Variants in TYR observed in about 807,000 individuals in gnomAD.
TYR encodes LB24-AB.
In TYR, 58 loss-of-function variants were observed where a neutral mutation model predicts 51.5. The ratio of observed to expected loss-of-function variants is 1.13; its 90% CI spans 0.91 to 1.40. The LOEUF is 1.40. TYR is among the 40% of genes most tolerant of loss of function. TYR has a pLI of 0.00. For missense variants in TYR, 732 were observed against 647.4 expected (o/e 1.13, Z -1.42); for synonymous variants, 263 against 235.2 (o/e 1.12, Z -1.08).
intron 2 of TYR, among the ~76,000 whole-genome samples, chr11:89,192,938 C>T (rs1943465540): frequency 6.6e-6 from 1 of 152,100 alleles, no homozygotes; most frequent in African/African-American, 2.4e-5. Flanking sequence ...TTATCAAGTA[C>T]CAAAGTCCAA....
chr11:89,244,454 G>T (rs1052587976), intron 3 of TYR, among the ~76,000 whole-genome samples: 7 of 152,098 alleles, frequency 4.6e-5, no homozygotes, highest in Non-Finnish European at 8.8e-5. Flanking sequence ...CCTTATTTCT[G>T]CAAGTCTTCA....
intron 3 of TYR, among the ~76,000 whole-genome samples, chr11:89,278,888 C>G (rs1944688088): frequency 6.6e-6 from 1 of 151,648 alleles, no homozygotes; most frequent in African/African-American, 2.4e-5. Flanking sequence ...TTCAGACTTT[C>G]TTTGTTTTTT....
chr11:89,284,624 T>C (rs1276852367), intron 3 of TYR, 149 bp from the exon 4 acceptor site: 72 of 712,402 alleles, frequency 1.0e-4, no homozygotes, highest in Non-Finnish European at 2.4e-6. Context: ...ACTAATACTT[T>C]ACGAAATATT....
At position 89,226,218 on chromosome 11, in the gene TYR, G is replaced by A. The variant is rs536790160; in HGVS notation, c.1037-1605G>A. ...AGGAAGTAAACCATTGTATTTAGGA[G>A]CATAAGTTCTACACTAAAACAGGCA... is the stretch of plus-strand genomic sequence containing the variant. On this transcript the variant is annotated intron_variant, in intron 2 of 4. Transcript: ENST00000263321. Among the ~76,000 whole-genome samples the A allele has an allele frequency of 2.0e-5, 3 of 152,126 alleles. No homozygotes were observed. The East Asian group carries it at 5.8e-4, about 29-fold the overall frequency.
At chr11:89,247,185 T>C (rs1360169912) in intron 3 of TYR, among the ~76,000 whole-genome samples, 1 of 152,190 alleles carries the variant, frequency 6.6e-6, no homozygotes, top group Non-Finnish European at 1.5e-5. Flanking sequence ...CACTCTGTGC[T>C]TGTTAGACTG....
At chr11:89,256,453 G>A (rs1944392277) in intron 3 of TYR, among the ~76,000 whole-genome samples, 1 of 134,004 alleles carries the variant, frequency 7.5e-6, no homozygotes, top group Non-Finnish European at 1.5e-5. Context: ...AGGTATGTGT[G>A]TGTACTTGTG....
intron 3 of TYR, among the ~76,000 whole-genome samples, chr11:89,243,768 TA>T (rs1417669523): frequency 1.3e-5 from 2 of 152,158 alleles, no homozygotes; most frequent in Admixed American, 1.3e-4. Context: ...CAAAGCATTC[TA>T]TAAATACATT....
intron 2 of TYR, among the ~76,000 whole-genome samples, chr11:89,204,282 G>C (rs752156771): frequency 6.6e-6 from 1 of 152,190 alleles, no homozygotes; most frequent in African/African-American, 2.4e-5. Context: ...CATCAGTAGA[G>C]GCCTAGTGGG....
intron 2 of TYR, among the ~76,000 whole-genome samples, chr11:89,191,804 T>C (rs1275239823): frequency 6.6e-6 from 1 of 152,164 alleles, no homozygotes; most frequent in African/African-American, 2.4e-5. Context: ...GTAGCAGCTT[T>C]AGTGAAATAT....
At chr11:89,198,765 A>G (rs1286160031) in intron 2 of TYR, among the ~76,000 whole-genome samples, 1 of 150,630 alleles carries the variant, frequency 6.6e-6, no homozygotes, top group Non-Finnish European at 1.5e-5. Flanking sequence ...ATATATATAT[A>G]TATATTTTTA....
intron 3 of TYR, among the ~76,000 whole-genome samples, chr11:89,281,661 A>G (rs1373444318): frequency 6.6e-6 from 1 of 151,558 alleles, no homozygotes; most frequent in Non-Finnish European, 1.5e-5. Context: ...CGCAACTTCA[A>G]TTCTCTCATG....
intron 1 of TYR, among the ~76,000 whole-genome samples, chr11:89,189,818 A>T (rs1014407484): frequency 1.3e-5 from 2 of 152,144 alleles, no homozygotes; most frequent in Non-Finnish European, 2.9e-5. Flanking sequence ...CCAGGTTTTA[A>T]CTTTTATGGC....
chr11:89,293,081 A>G (rs975178389), intron 4 of TYR, among the ~76,000 whole-genome samples: 3 of 152,172 alleles, frequency 2.0e-5, no homozygotes, highest in African/African-American at 7.2e-5. Context: ...GTTCATTTAT[A>G]TGACTAAAGG....
chr11:89,242,219 GT>G (rs1944206252), intron 3 of TYR, among the ~76,000 whole-genome samples: 1 of 151,936 alleles, frequency 6.6e-6, no homozygotes, highest in Admixed American at 6.6e-5. Context: ...TGTTTGTTAT[GT>G]TTTTTGAGAT....
Position 89,295,486 on chromosome 11 carries a change from A to C in TYR, c.*120A>C. 7.6e-7 allele frequency: 1 copy of C among 1,314,190 alleles called. No individual in the cohort carries two copies. Among genetic ancestry groups the C allele is most frequent in the Admixed American group, 2.0e-5 (1 of 50,576 alleles). 81.4% of individuals were successfully genotyped at this position (1,314,190 alleles called of 1,614,324 possible). On this transcript the variant is annotated 3_prime_UTR_variant, in exon 5 of 5. Transcript: ENST00000263321. ...TGTAAAGACCATTTGCAAAATTGTA[A>C]CCTAATACAAAGTGTAGCCTTCTTC...
At chr11:89,218,519 A>C (rs1943865122) in intron 2 of TYR, among the ~76,000 whole-genome samples, 1 of 152,172 alleles carries the variant, frequency 6.6e-6, no homozygotes. Context: ...ATCTGATATC[A>C]CCAAGAATGA....
chr11:89,178,372 T>C lies in TYR; in HGVS notation c.419T>C (p.Leu140Ser), dbSNP rs767033124. The change falls in exon 1 of 5, where the codon TTA becomes TCA. Residue 140 changes from leucine (L) to serine (S), a missense_variant. By Grantham distance (145) the Leu-to-Ser change is moderately radical. Coordinates refer to ENST00000263321, the MANE Select transcript of TYR (RefSeq NM_000372.5). ...GACAAATTTTTTGCCTACCTCACTT[T>C]AGCAAAGCATACCATCAGCTCAGAC... ...EKDKFFAYLTLAKHTISSDYV... is the reference protein window; with the variant it reads ...EKDKFFAYLTSAKHTISSDYV... 3 of 1,614,146 alleles carry C rather than the reference T, an allele frequency of 1.9e-6. No individual in the cohort carries two copies. Among genetic ancestry groups the C allele is most frequent in the Non-Finnish European group, 1.7e-6 (2 of 1,180,018 alleles).
rs1235580549 is a variant in TYR, at chr11:89,178,064, A to T, written c.111A>T (p.Pro37=). The T allele has an allele frequency of 6.2e-7, 1 of 1,614,096 alleles. No homozygotes were observed. The highest frequency in any genetic ancestry group is 2.2e-5 in the East Asian group (1 of 44,894). The part of the protein sequence containing the change: ...SKNLMEKECC[P]PWSGDRSPCG... ...ACCTGATGGAGAAGGAATGCTGTCC[A>T]CCGTGGAGCGGGGACAGGAGTCCCT... The change falls in exon 1 of 5, where the codon CCA becomes CCT. Residue 37 remains proline (P), a synonymous_variant. Coordinates refer to ENST00000263321, the MANE Select transcript of TYR (RefSeq NM_000372.5).
chr11:89,225,725 C>A (rs1370574125), intron 2 of TYR, among the ~76,000 whole-genome samples: 2 of 151,532 alleles, frequency 1.3e-5, no homozygotes, highest in African/African-American at 4.8e-5. Context: ...TTGCAATATC[C>A]TTTTATTATA....
Sources: gnomAD v4.1 joint callset for allele counts (sites outside exome capture counted in the v4.1 genomes callset) on GRCh38, gnomAD v4.1.1 for gene constraint, MANE v1.5 for transcripts, NCBI Gene and HGNC (gene_info 2026-07-23, HGNC 2026-07-21) for gene names.